Variants in TLL2 observed in about 807,000 individuals in gnomAD.
TLL2 encodes the protein tolloid like 2.
A neutral mutation model predicts 123.0 loss-of-function variants in TLL2; 106 were observed. The ratio of observed to expected loss-of-function variants is 0.86; its 90% confidence interval spans 0.74 to 1.01. The LOEUF is 1.01. Among genes scored for constraint, TLL2 ranks in the 50% least tolerant of loss-of-function variants. The pLI, the probability that TLL2 is intolerant of heterozygous loss-of-function variation, is 0.00. For missense variants in TLL2, 1,332 were observed against 1,336.7 expected (o/e 1.00, Z 0.06); for synonymous variants, 494 against 516.8 (o/e 0.96, Z 0.60).
At chr10:96,427,031 A>G (rs920585754) in intron 5 of TLL2, among the ~76,000 whole-genome samples, 2 of 152,124 alleles carry the variant, frequency 1.3e-5, no homozygotes, top group African/African-American at 4.8e-5. Context: ...AGCTTTAGCT[A>G]TATCTCTTTT....
chr10:96,461,366 T>C (rs1237560879), intron 2 of TLL2, among the ~76,000 whole-genome samples: 1 of 152,116 alleles, frequency 6.6e-6, no homozygotes, highest in African/African-American at 2.4e-5. Flanking sequence ...AGAGAAGGGT[T>C]GACTGATCTG....
intron 2 of TLL2, among the ~76,000 whole-genome samples, chr10:96,452,602 T>C (rs1846972764): frequency 6.6e-6 from 1 of 152,200 alleles, no homozygotes; most frequent in South Asian, 2.1e-4. Context: ...CTGAGGCTCA[T>C]GAATAAGTTG....
chr10:96,421,458 G>T (rs1191456347), intron 6 of TLL2, among the ~76,000 whole-genome samples: 1 of 152,252 alleles, frequency 6.6e-6, no homozygotes, highest in African/African-American at 2.4e-5. Context: ...GAGGTCAGGA[G>T]TTCGAGACCA....
intron 10 of TLL2, among the ~76,000 whole-genome samples, chr10:96,397,909 C>T (rs558196944): frequency 8.3e-4 from 127 of 152,268 alleles, no homozygotes; most frequent in Non-Finnish European, 1.5e-3. Context: ...CCTAAAAGGA[C>T]CCATTCCCCA....
At chr10:96,414,455 C>T (rs1846535108) in intron 7 of TLL2, among the ~76,000 whole-genome samples, 1 of 152,176 alleles carries the variant, frequency 6.6e-6, no homozygotes. Flanking sequence ...CCTCCTCCCT[C>T]CTCACTGTCT....
In TLL2 at chr10:96,393,640, G is replaced by A. The variant is rs193233473; in HGVS notation, c.1726+1547C>T. Among the ~76,000 whole-genome samples, 7 of 152,314 alleles carry A rather than the reference G, an allele frequency of 4.6e-5. No individual in the cohort carries two copies. The East Asian group carries it at 1.3e-3, about 29-fold the overall frequency. ...TGGGATTGGGGCTGTGAATTTCCAG[G>A]CATCTCAACTAAGGCTGTCATATCT... On this transcript the variant is annotated intron_variant, in intron 13 of 20. Coordinates refer to ENST00000357947, the MANE Select transcript of TLL2 (RefSeq NM_012465.4).
intron 1 of TLL2, among the ~76,000 whole-genome samples, chr10:96,502,372 C>T (rs1320109634): frequency 6.6e-6 from 1 of 152,200 alleles, no homozygotes; most frequent in Admixed American, 6.5e-5. Context: ...ATGTGGAAAA[C>T]AGATTTTGGG....
At chr10:96,487,518 G>A (rs898086766) in intron 1 of TLL2, among the ~76,000 whole-genome samples, 10 of 152,136 alleles carry the variant, frequency 6.6e-5, no homozygotes, top group African/African-American at 2.4e-4. Context: ...CACTTACTGA[G>A]GCAGCACACG....
intron 2 of TLL2, among the ~76,000 whole-genome samples, chr10:96,470,843 A>G (rs755123535): frequency 3.3e-5 from 5 of 152,234 alleles, no homozygotes; most frequent in African/African-American, 1.2e-4. Context: ...AATCATGTCT[A>G]TAAAGCATTT....
chr10:96,398,900 CT>C (rs1846365359), intron 10 of TLL2, among the ~76,000 whole-genome samples: 1 of 118,518 alleles, frequency 8.4e-6, no homozygotes, highest in Admixed American at 1.1e-4. Flanking sequence ...GAGACAGAGT[CT>C]TGCTCTGTCA....
intron 1 of TLL2, among the ~76,000 whole-genome samples, chr10:96,497,012 G>A (rs982644942): frequency 6.6e-6 from 1 of 152,188 alleles, no homozygotes; most frequent in African/African-American, 2.4e-5. Context: ...CGGGTGCAGT[G>A]GCTCATGCCT....
At chr10:96,400,621 G>T (rs563588090) in intron 10 of TLL2, among the ~76,000 whole-genome samples, 66 of 152,334 alleles carry the variant, frequency 4.3e-4, no homozygotes, top group East Asian at 2.9e-3. Context: ...TAGGGAGCCT[G>T]AGTAGCCGGG....
chr10:96,482,177 G>C (rs926610178), intron 1 of TLL2, among the ~76,000 whole-genome samples: 1 of 151,360 alleles, frequency 6.6e-6, no homozygotes, highest in African/African-American at 2.4e-5. Flanking sequence ...AGAATGGCGT[G>C]AACCCGGGCG....
chr10:96,452,208 T>C (rs1215669365), intron 2 of TLL2, among the ~76,000 whole-genome samples: 2 of 152,064 alleles, frequency 1.3e-5, no homozygotes, highest in African/African-American at 4.8e-5. Flanking sequence ...TAAAACAGAG[T>C]TGTATGTCAG....
intron 19 of TLL2, 98 bp downstream of exon 19, chr10:96,373,498 C>T: frequency 8.5e-7 from 1 of 1,178,906 alleles, no homozygotes; most frequent in Non-Finnish European, 1.2e-6. Flanking sequence ...CGCCCTCCCC[C>T]AGTCAGAATA....
At chr10:96,370,530 CCCCTGTT>C (rs1460737711) in intron 19 of TLL2, among the ~76,000 whole-genome samples, 3 of 152,210 alleles carry the variant, frequency 2.0e-5, no homozygotes, top group Non-Finnish European at 4.4e-5. Flanking sequence ...AAGCCAAGGT[CCCCTGTT>C]CCCAGCTTGA....
At position 96,513,526 on chromosome 10, in the gene TLL2, C is replaced by G. The variant is rs773677271; in HGVS notation, c.160G>C (p.Asp54His). ...GTEQQLEHYH[D>H]PCKAAVFWGD... ...CGGCACCTACCGGCTTTGCAAGGGTCGTGGTAATGCTCCAGCTGCTGCTCC... is the reference window on the plus strand; with the variant it reads ...CGGCACCTACCGGCTTTGCAAGGGTGGTGGTAATGCTCCAGCTGCTGCTCC... The change falls in exon 1 of 21, where the codon GAC becomes CAC. Residue 54 changes from aspartate (D) to histidine (H), a missense_variant. By Grantham distance (81) the Asp-to-His change is moderately conservative. Coordinates refer to ENST00000357947, the MANE Select transcript of TLL2 (RefSeq NM_012465.4). The G allele has an allele frequency of 6.2e-7, 1 of 1,612,648 alleles. No individual in the cohort carries two copies. The highest frequency in any genetic ancestry group is 2.2e-5 in the East Asian group (1 of 44,802).
intron 7 of TLL2, among the ~76,000 whole-genome samples, chr10:96,415,956 T>G (rs1024095411): frequency 2.0e-5 from 3 of 151,464 alleles, no homozygotes; most frequent in Non-Finnish European, 1.5e-5. Context: ...TCTGCTGATT[T>G]CCTGTTCAGC....
chr10:96,437,596 G>A (rs1846809405), intron 3 of TLL2, among the ~76,000 whole-genome samples: 1 of 151,976 alleles, frequency 6.6e-6, no homozygotes, highest in Non-Finnish European at 1.5e-5. Context: ...CCACCAGTCT[G>A]TTTCCATTTC....
Sources: gnomAD v4.1 joint callset for allele counts (sites outside exome capture counted in the v4.1 genomes callset) on GRCh38, gnomAD v4.1.1 for gene constraint, MANE v1.5 for transcripts, NCBI Gene and HGNC (gene_info 2026-07-23, HGNC 2026-07-21) for gene names.